C3: variants seen among roughly 807,000 people sequenced by gnomAD.
The protein encoded by C3 is C3 and PZP-like alpha-2-macroglobulin domain-containing protein 1.
A neutral mutation model predicts 207.9 loss-of-function variants in C3; 97 were observed. The observed-to-expected ratio is 0.47, with a 90% confidence interval of 0.40 to 0.55. The LOEUF (loss-of-function observed/expected upper bound fraction) is 0.55. C3 is among the 20% of genes least tolerant of loss of function. The pLI is 0.00. For missense variants in C3, 1,684 were observed against 2,171.7 expected (o/e 0.78, Z 4.46); for synonymous variants, 848 against 857.6 (o/e 0.99, Z 0.20).
At chr19:6,694,875 C>T (rs951267589) in intron 23 of C3, among the ~76,000 whole-genome samples, 9 of 152,138 alleles carry the variant, frequency 5.9e-5, no homozygotes, top group Admixed American at 5.9e-4. Flanking sequence ...CTCATTTCAC[C>T]AGCAGTAAAA....
At chr19:6,695,331 CA>C (rs1967509380) in intron 23 of C3, among the ~76,000 whole-genome samples, 1 of 151,958 alleles carries the variant, frequency 6.6e-6, no homozygotes, top group Non-Finnish European at 1.5e-5. Flanking sequence ...CTACCCCTAC[CA>C]AAGGTGAAAA....
At position 6,677,775 on chromosome 19, in the gene C3, C is replaced by A. The variant is rs1917744648; in HGVS notation, c.*107G>T. On this transcript the variant is annotated 3_prime_UTR_variant, in exon 41 of 41. Coordinates refer to ENST00000245907, the MANE Select transcript of C3 (RefSeq NM_000064.4). ...AGGTTTCAAGTAGGATGGAGCTGAG[C>A]TGCAGGTGAGGCGGCTGGGGATTTC... The A allele has an allele frequency of 7.3e-6, 10 of 1,377,694 alleles. No individual in the cohort carries two copies. Among genetic ancestry groups the A allele is most frequent in the Non-Finnish European group, 1.0e-5 (10 of 983,950 alleles). 85.3% of individuals were successfully genotyped at this position (1,377,694 alleles called of 1,614,324 possible).
At chr19:6,695,726 G>A (rs1356517298) in intron 23 of C3, among the ~76,000 whole-genome samples, 2 of 151,922 alleles carry the variant, frequency 1.3e-5, no homozygotes, top group Non-Finnish European at 2.9e-5. Context: ...TGGTCTGCCT[G>A]CCTCGGCCTC....
At chr19:6,690,799 G>A (rs1185614299) in intron 26 of C3, 72 bp from the exon 27 acceptor site, 1 of 1,196,030 alleles carries the variant, frequency 8.4e-7, no homozygotes, top group African/African-American at 1.5e-5. Context: ...CCCCCTTGCA[G>A]ATTCAGAATC....
At position 6,702,501 on chromosome 19, in the gene C3, A is replaced by G. The variant is rs1967696810; in HGVS notation, c.2324T>C (p.Val775Ala). Residue 775 changes from valine to alanine, a missense_variant, in exon 18 of 41, where the codon GTT becomes GCT. This residue lies in a region of C3 where 1,280 missense variants were observed against 1,739.1 expected (regional missense o/e 0.74). Transcript: ENST00000245907. ...SEFPESWLWN[V>A]EDLKEPPKNG... ...TTTCGGTGGCTCTTTCAAGTCCTCAACGTTCCACAGCCAGCTCTCTGGGAA... is the reference window on the plus strand; with the variant it reads ...TTTCGGTGGCTCTTTCAAGTCCTCAGCGTTCCACAGCCAGCTCTCTGGGAA... The G allele has an allele frequency of 3.1e-6, 5 of 1,614,044 alleles. No individual in the cohort carries two copies. The East Asian group carries it at 1.1e-4, about 36-fold the overall frequency.
At chr19:6,703,073 A>G (rs1032163694) in intron 17 of C3, among the ~76,000 whole-genome samples, 1 of 152,050 alleles carries the variant, frequency 6.6e-6, no homozygotes. Context: ...GAGCCGACCT[A>G]CTTCCTCAGC....
rs1967958252 is a variant in C3 at position 6,713,276 on chromosome 19, C to A, written c.916G>T (p.Val306Leu). The A allele has an allele frequency of 6.2e-7, 1 of 1,613,626 alleles. No homozygotes were observed. Among genetic ancestry groups the A allele is most frequent in the African/African-American group, 1.3e-5 (1 of 74,898 alleles). The change falls in exon 9 of 41, where the codon GTA (valine) becomes TTA (leucine). Residue 306 changes from valine (V) to leucine (L), a missense_variant. This residue lies in a region of C3 where 1,280 missense variants were observed against 1,739.1 expected (regional missense o/e 0.74). Coordinates refer to ENST00000245907, the MANE Select transcript of C3 (RefSeq NM_000064.4). ...GSGEVVLSRK[V>L]LLDGVQNPRA... Reference sequence around the variant, plus strand: ...GGGTTCTGCACCCCGTCCAGCAGTACCTTCCGGCTCAGCACAACCTCCCCC... The same window carrying A: ...GGGTTCTGCACCCCGTCCAGCAGTAACTTCCGGCTCAGCACAACCTCCCCC...
intron 21 of C3, among the ~76,000 whole-genome samples, 163 bp downstream of exon 21, chr19:6,697,181 C>T (rs1967557165): frequency 7.1e-6 from 1 of 141,248 alleles, no homozygotes; most frequent in Non-Finnish European, 1.5e-5. Flanking sequence ...CACTTTACCC[C>T]AATCCTGGCT....
intron 14 of C3, 73 bp downstream of exon 14, chr19:6,709,611 T>TGCCCCCCCCCACCCCCCCCCCCCCCCCCG: frequency 9.0e-7 from 1 of 1,109,450 alleles, no homozygotes; most frequent in Non-Finnish European, 1.4e-6. Flanking sequence ...CCCTCTCCAG[T>TGCCCCCCCCCACCCCCCCCCCCCCCCCCG]CCCACCCACC....
chr19:6,713,754 C>T (rs1599525202), intron 7 of C3: 1 of 340,790 alleles, frequency 2.9e-6, no homozygotes, highest in South Asian at 2.2e-5. Flanking sequence ...CTTCCCCACT[C>T]CCAGCCCCCA....
rs780979839 is a variant in C3, at chr19:6,678,253, C to T, written c.4749G>A (p.Thr1583=). 15 of 1,614,046 alleles carry T rather than the reference C, an allele frequency of 9.3e-6. No homozygotes were observed. Among genetic ancestry groups the T allele is most frequent in the Non-Finnish European group, 1.2e-5 (14 of 1,180,044 alleles). Residue 1583 remains threonine, a synonymous_variant, in exon 40 of 41, where the codon ACG becomes ACA. Transcript: ENST00000245907. The part of the protein sequence containing the change: ...SDEVQVGQQR[T]FISPIKCREA... ...CTCTGCACTTGATGGGGCTGATGAACGTGCGCTGCTGTCCAACCTGCACCT... is the reference window on the plus strand; with the variant it reads ...CTCTGCACTTGATGGGGCTGATGAATGTGCGCTGCTGTCCAACCTGCACCT...
At chr19:6,703,165 G>A (rs1967710109) in intron 17 of C3, among the ~76,000 whole-genome samples, 1 of 152,066 alleles carries the variant, frequency 6.6e-6, no homozygotes, top group Admixed American at 6.6e-5. Context: ...ACTTCAGGAT[G>A]AATTTTCACG....
chr19:6,695,237 T>A (rs1290646097), intron 23 of C3, among the ~76,000 whole-genome samples: 1 of 149,226 alleles, frequency 6.7e-6, no homozygotes, highest in African/African-American at 2.5e-5. Flanking sequence ...GCCACTGCAC[T>A]CTAGCCTGGC....
chr19:6,713,078 C>T, intron 9 of C3, 111 bp downstream of exon 9: 1 of 1,362,750 alleles, frequency 7.3e-7, no homozygotes, highest in Non-Finnish European at 1.0e-6. Flanking sequence ...CTGAACCCCA[C>T]TTTCACTCTG....
chr19:6,696,546 C>A lies in C3; in HGVS notation c.2863+47G>T, dbSNP rs2287846. 18 of 1,603,510 alleles carry A rather than the reference C, an allele frequency of 1.1e-5. 1 individual carries two copies. The Admixed American group carries it at 1.5e-4, about 13-fold the overall frequency. On this transcript the variant is annotated intron_variant, in intron 22 of 40. Transcript: ENST00000245907. ...CTCACTAAACCCAGGTCATTTACCC[C>A]CCTTACCCTGCCAGCCCCTCAGCCC...
At chr19:6,709,327 A>G (rs972518778) in intron 14 of C3, among the ~76,000 whole-genome samples, 1 of 152,180 alleles carries the variant, frequency 6.6e-6, no homozygotes, top group African/African-American at 2.4e-5. Context: ...GGGCACCTGT[A>G]GTCCCAGCTA....
At chr19:6,699,647 CAA>C (rs10596077) in intron 19 of C3, among the ~76,000 whole-genome samples, 98,857 of 147,394 alleles carry the variant, frequency 0.67, 32,842 homozygotes, top group East Asian at 0.84. Context: ...GCTCCTGTAT[CAA>C]AAAAAAAAAA....
Position 6,697,443 on chromosome 19 carries a change from G to T in C3, c.2697C>A (p.Val899=). ...PPKSSLSVPY[V]IVPLKTGLQE... ...GCAGGCCGGTCTTTAGCGGCACGAT[G>T]ACATATGGAACGGACAACGAGGACT... The change falls in exon 21 of 41, where the codon GTC becomes GTA. Residue 899 remains valine, a synonymous_variant. Transcript: ENST00000245907. The T allele has an allele frequency of 6.2e-7, 1 of 1,613,954 alleles. No individual in the cohort carries two copies. Among genetic ancestry groups the T allele is most frequent in the South Asian group, 1.1e-5 (1 of 91,054 alleles).
At chr19:6,720,403 C>G in intron 1 of C3, 113 bp downstream of exon 1, 2 of 781,010 alleles carry the variant, frequency 2.6e-6, no homozygotes, top group South Asian at 2.9e-5. Flanking sequence ...CTGCTAACCC[C>G]TGAATCCACA....
Sources: allele counts gnomAD v4.1 joint callset (sites outside exome capture counted in the v4.1 genomes callset), GRCh38; gene constraint gnomAD v4.1.1; regional missense constraint gnomAD v4.1.1; transcripts MANE v1.5; gene names NCBI Gene and HGNC (gene_info 2026-07-23, HGNC 2026-07-21).